SEMA3A: variants seen among roughly 807,000 people sequenced by gnomAD.
The protein encoded by SEMA3A is semaphorin 3A.
In SEMA3A, 29 loss-of-function variants were observed where a neutral mutation model predicts 97.9. That is an observed-to-expected ratio of 0.30 (90% CI 0.22 to 0.40). The LOEUF is 0.40. Among genes scored for constraint, SEMA3A ranks in the 10% least tolerant of loss-of-function variants. The pLI is 1.00. For missense variants in SEMA3A, 763 were observed against 951.3 expected (o/e 0.80, Z 2.60); for synonymous variants, 321 against 323.7 (o/e 0.99, Z 0.09).
intron 5 of SEMA3A, among the ~76,000 whole-genome samples, chr7:84,055,886 A>C (rs1792953544): frequency 1.3e-5 from 2 of 152,230 alleles, no homozygotes; most frequent in East Asian, 3.8e-4. Flanking sequence ...AGAGCTGTTC[A>C]CATATACTAA....
At chr7:84,308,363 C>T (rs1245227069) in intron 2 of SEMA3A, among the ~76,000 whole-genome samples, 1 of 152,160 alleles carries the variant, frequency 6.6e-6, no homozygotes, top group Non-Finnish European at 1.5e-5. Context: ...AATGTATATA[C>T]AAGCATTTAA....
chr7:84,376,765 GT>G (rs776094820), intron 1 of SEMA3A, among the ~76,000 whole-genome samples: 13 of 151,874 alleles, frequency 8.6e-5, no homozygotes, highest in Non-Finnish European at 1.6e-4. Flanking sequence ...TTAAGCATTT[GT>G]TCATATATTT....
chr7:83,964,021 C>G (rs1742576437), intron 15 of SEMA3A, among the ~76,000 whole-genome samples: 1 of 152,100 alleles, frequency 6.6e-6, no homozygotes, highest in East Asian at 1.9e-4. Flanking sequence ...TTTAAAATGA[C>G]ACATCTTTCA....
In SEMA3A at chr7:84,088,908, G is replaced by A. The variant is rs536123925; in HGVS notation, c.453+21562C>T. 2.6e-5 allele frequency among the ~76,000 whole-genome samples: 4 copies of A among 151,236 alleles called. No individual in the cohort carries two copies. The South Asian group carries it at 8.4e-4, about 32-fold the overall frequency. ...CTTGTTGCTCAGAATGTTCTTTCATGTTAATGTTTTTTTTTCAGGATTTTA... is the reference window on the plus strand; with the variant it reads ...CTTGTTGCTCAGAATGTTCTTTCATATTAATGTTTTTTTTTCAGGATTTTA... On this transcript the variant is annotated intron_variant, in intron 4 of 16. Coordinates refer to ENST00000265362, the MANE Select transcript of SEMA3A (RefSeq NM_006080.3).
intron 2 of SEMA3A, among the ~76,000 whole-genome samples, chr7:84,342,994 G>A (rs1802208077): frequency 6.6e-6 from 1 of 152,170 alleles, no homozygotes; most frequent in Admixed American, 6.5e-5. Context: ...AGTATTTAAT[G>A]AGCATTTACC....
intron 6 of SEMA3A, among the ~76,000 whole-genome samples, chr7:84,030,708 G>A (rs1055923134): frequency 5.3e-5 from 8 of 152,126 alleles, no homozygotes; most frequent in Non-Finnish European, 8.8e-5. Context: ...AATTAATAAC[G>A]TATTTTTATC....
At chr7:84,416,144 G>T (rs1321249774) in intron 1 of SEMA3A, among the ~76,000 whole-genome samples, 1 of 152,090 alleles carries the variant, frequency 6.6e-6, no homozygotes, top group Non-Finnish European at 1.5e-5. Flanking sequence ...AACTTGAATT[G>T]TATCTCCTAG....
At chr7:84,281,206 G>A (rs1800431296) in intron 3 of SEMA3A, among the ~76,000 whole-genome samples, 1 of 152,136 alleles carries the variant, frequency 6.6e-6, no homozygotes, top group African/African-American at 2.4e-5. Context: ...ACCCATTTCT[G>A]ATAGAAGATT....
intron 6 of SEMA3A, among the ~76,000 whole-genome samples, chr7:84,014,861 A>C (rs1791033441): frequency 6.6e-6 from 1 of 152,038 alleles, no homozygotes; most frequent in South Asian, 2.1e-4. Flanking sequence ...ATTCCACTAG[A>C]TACACAGGAA....
At chr7:84,379,290 C>T (rs938399041) in intron 1 of SEMA3A, among the ~76,000 whole-genome samples, 9 of 151,974 alleles carry the variant, frequency 5.9e-5, no homozygotes, top group African/African-American at 2.2e-4. Context: ...TAAGTTTTTT[C>T]ACAATTTTAT....
intron 1 of SEMA3A, among the ~76,000 whole-genome samples, chr7:84,457,552 G>A (rs1228967): frequency 0.46 from 69,593 of 151,694 alleles, 17,618 homozygotes; most frequent in East Asian, 0.78. Flanking sequence ...TTTTGGCCCA[G>A]TGAATCCTTT....
At chr7:84,405,566 CT>C (rs1804056447) in intron 1 of SEMA3A, among the ~76,000 whole-genome samples, 1 of 152,206 alleles carries the variant, frequency 6.6e-6, no homozygotes, top group African/African-American at 2.4e-5. Context: ...CTACAGAACT[CT>C]CCACCCCAAA....
chr7:84,255,183 A>G (rs1799691796), intron 3 of SEMA3A, among the ~76,000 whole-genome samples: 1 of 152,162 alleles, frequency 6.6e-6, no homozygotes, highest in African/African-American at 2.4e-5. Context: ...CAAAAACACC[A>G]TAGCAAACAG....
intron 3 of SEMA3A, among the ~76,000 whole-genome samples, chr7:84,224,350 T>A (rs1321727549): frequency 6.6e-6 from 1 of 152,012 alleles, no homozygotes; most frequent in Non-Finnish European, 1.5e-5. Flanking sequence ...AATTCAAATA[T>A]TACAGTGTTA....
intron 3 of SEMA3A, among the ~76,000 whole-genome samples, chr7:84,278,950 C>G (rs1800374594): frequency 6.6e-6 from 1 of 151,984 alleles, no homozygotes. Flanking sequence ...CTGATCAAAT[C>G]TGAGATGATA....
At chr7:84,331,806 A>G (rs1378427982) in intron 2 of SEMA3A, among the ~76,000 whole-genome samples, 1 of 152,128 alleles carries the variant, frequency 6.6e-6, no homozygotes, top group African/African-American at 2.4e-5. Flanking sequence ...GCGTGCGTGC[A>G]TGCTCCTTTT....
At chr7:84,329,765 G>A (rs1801868414) in intron 2 of SEMA3A, among the ~76,000 whole-genome samples, 1 of 151,964 alleles carries the variant, frequency 6.6e-6, no homozygotes, top group African/African-American at 2.4e-5. Context: ...TAAACATTTA[G>A]TGCAAAATAA....
chr7:84,010,958 AT>A, intron 9 of SEMA3A, 63 bp downstream of exon 9: 2 of 1,236,734 alleles, frequency 1.6e-6, no homozygotes, highest in South Asian at 2.8e-5. Context: ...TTTGCAAATT[AT>A]GAGTACTTGG....
At chr7:84,239,541 T>C (rs901922626) in intron 3 of SEMA3A, among the ~76,000 whole-genome samples, 2 of 152,178 alleles carry the variant, frequency 1.3e-5, no homozygotes, top group African/African-American at 4.8e-5. Context: ...GAGTCTTGTA[T>C]AATGAATTCA....
Sources: gnomAD v4.1 joint callset for allele counts (sites outside exome capture counted in the v4.1 genomes callset) on GRCh38, gnomAD v4.1.1 for gene constraint, MANE v1.5 for transcripts, NCBI Gene and HGNC (gene_info 2026-07-23, HGNC 2026-07-21) for gene names.